The following RB1CC1 variants were observed in gnomAD, a reference collection of about 807,000 sequenced individuals.
RB1CC1 encodes RB1 inducible coiled-coil 1.
A neutral mutation model predicts 177.5 loss-of-function variants in RB1CC1; 46 were observed. The observed-to-expected ratio is 0.26, with a 90% confidence interval of 0.20 to 0.33. The LOEUF is 0.33. RB1CC1 is among the 10% of genes least tolerant of loss of function. The probability of loss-of-function intolerance (pLI) is 1.00; values close to 1 mark genes in which losing one functional copy is unlikely to be tolerated. For missense variants in RB1CC1, 1,703 were observed against 1,816.3 expected, an observed-to-expected ratio of 0.94 and a Z score of 1.13; for synonymous variants, 666 against 613.6, an observed-to-expected ratio of 1.09 and a Z score of -1.26.
intron 1 of RB1CC1, among the ~76,000 whole-genome samples, chr8:52,699,386 A>C (rs1855780252): frequency 6.6e-6 from 1 of 152,236 alleles, no homozygotes; most frequent in South Asian, 2.1e-4. Context: ...CAAGAGAATG[A>C]GAAGCAGATG....
chr8:52,708,604 T>A (rs1248055880), intron 1 of RB1CC1, among the ~76,000 whole-genome samples: 1 of 152,176 alleles, frequency 6.6e-6, no homozygotes, highest in Non-Finnish European at 1.5e-5. Flanking sequence ...AGGTGGCCTA[T>A]AGTATTCTTT....
rs1050683906 is a variant in RB1CC1, at chr8:52,664,911, G to C, written c.1173+3110C>G. Among the ~76,000 whole-genome samples the C allele has an allele frequency of 3.3e-5, 5 of 152,196 alleles. No homozygotes were observed. In the South Asian group the frequency reaches 6.2e-4, roughly 19 times the overall value. ...ATAAAACCATCCAATGTACCTGCCT[G>C]ATTGACTGTTCAAGTGATATAAAGC... On this transcript the variant is annotated intron_variant, in intron 8 of 23. Coordinates refer to ENST00000025008, the MANE Select transcript of RB1CC1 (RefSeq NM_014781.5).
chr8:52,647,935 A>G (rs1850202099), intron 15 of RB1CC1, among the ~76,000 whole-genome samples: 1 of 152,172 alleles, frequency 6.6e-6, no homozygotes, highest in African/African-American at 2.4e-5. Flanking sequence ...GAATTGTACT[A>G]GAAAAAGTGT....
intron 18 of RB1CC1, among the ~76,000 whole-genome samples, chr8:52,637,289 C>T (rs1360201397): frequency 1.3e-5 from 2 of 152,152 alleles, no homozygotes; most frequent in Non-Finnish European, 2.9e-5. Flanking sequence ...AAATCTATTC[C>T]TAAGTATTTT....
At chr8:52,637,360 T>C (rs1849223557) in intron 18 of RB1CC1, among the ~76,000 whole-genome samples, 1 of 152,186 alleles carries the variant, frequency 6.6e-6, no homozygotes. Context: ...GGATGATTCA[T>C]TGCTAGTAGA....
chr8:52,705,577 TA>T (rs968398786), intron 1 of RB1CC1, among the ~76,000 whole-genome samples: 1 of 152,236 alleles, frequency 6.6e-6, no homozygotes, highest in African/African-American at 2.4e-5. Flanking sequence ...CCAGCAATTC[TA>T]CTTCTGGGAG....
At chr8:52,660,420 T>C (rs1563396750) in intron 12 of RB1CC1, among the ~76,000 whole-genome samples, 176 bp downstream of exon 12, 1 of 152,198 alleles carries the variant, frequency 6.6e-6, no homozygotes, top group Non-Finnish European at 1.5e-5. Flanking sequence ...AAATTATGAA[T>C]ACAAATATCA....
chr8:52,704,364 C>T (rs1405492803), intron 1 of RB1CC1, among the ~76,000 whole-genome samples: 2 of 151,106 alleles, frequency 1.3e-5, no homozygotes, highest in African/African-American at 4.9e-5. Context: ...CATTACCTGC[C>T]TTCCAAAAAG....
At chr8:52,651,235 T>C (rs886673683) in intron 15 of RB1CC1, among the ~76,000 whole-genome samples, 7 of 152,194 alleles carry the variant, frequency 4.6e-5, no homozygotes, top group African/African-American at 1.7e-4. Flanking sequence ...GTTGACTGCC[T>C]GGAAAGTAGA....
intron 18 of RB1CC1, among the ~76,000 whole-genome samples, chr8:52,637,872 T>C (rs111790531): frequency 0.024 from 3,601 of 152,214 alleles, 162 homozygotes; most frequent in African/African-American, 0.082. Flanking sequence ...GGTTTCACCA[T>C]GTTGGCCAGG....
chr8:52,682,123 G>A (rs1563434041), intron 5 of RB1CC1, among the ~76,000 whole-genome samples: 1 of 152,202 alleles, frequency 6.6e-6, no homozygotes. Flanking sequence ...CAAAGCCACA[G>A]GGACAGAGCT....
Position 52,676,517 on chromosome 8 carries a change from C to T in RB1CC1, c.424G>A (p.Asp142Asn), listed in dbSNP as rs1166022062. 6.2e-7 allele frequency: 1 copy of T among 1,613,542 alleles called. No individual in the cohort carries two copies. The highest frequency in any genetic ancestry group is 8.5e-7 in the Non-Finnish European group (1 of 1,179,850). ...CAGCCTTGGTGTTGAAGATGTTCAT[C>T]ATGTACAAGACCTTCACAAAAAGAA... ...LCSFCEGLVH[D>N]EHLQHQGWAA... The change falls in exon 6 of 24, where the codon GAT (aspartate) becomes AAT (asparagine). Residue 142 changes from aspartate to asparagine, a missense_variant. Around this residue, in one of 6 missense-constraint regions of RB1CC1, gnomAD observed 315 missense variants for 304.9 expected, o/e 1.03. Coordinates refer to ENST00000025008, the MANE Select transcript of RB1CC1 (RefSeq NM_014781.5).
chr8:52,649,585 G>A lies in RB1CC1; in HGVS notation c.3822-3718C>T, dbSNP rs548124013. 7.2e-5 allele frequency among the ~76,000 whole-genome samples: 11 copies of A among 152,206 alleles called. No individual in the cohort carries two copies. In the East Asian group the frequency reaches 9.7e-4, roughly 13 times the overall value. The stretch of plus-strand genomic sequence containing the variant: ...CTGGAGGCAGAGGTGGCAGTAAGCC[G>A]AGATCATGCCACTGCACTCCAGCCT... On this transcript the variant is annotated intron_variant, in intron 15 of 23. Transcript: ENST00000025008.
intron 18 of RB1CC1, among the ~76,000 whole-genome samples, chr8:52,637,131 T>C (rs1327856688): frequency 6.6e-6 from 1 of 152,168 alleles, no homozygotes. Context: ...CAGATTACGA[T>C]AAGAATTGTG....
intron 1 of RB1CC1, among the ~76,000 whole-genome samples, chr8:52,696,911 G>T (rs1416259118): frequency 3.3e-5 from 5 of 152,156 alleles, no homozygotes; most frequent in Non-Finnish European, 7.3e-5. Flanking sequence ...GCTGAGGTGG[G>T]AGGATTGTTT....
At chr8:52,634,172 A>G (rs891945729) in intron 20 of RB1CC1, among the ~76,000 whole-genome samples, 1 of 152,078 alleles carries the variant, frequency 6.6e-6, no homozygotes, top group Non-Finnish European at 1.5e-5. Context: ...AACCAGGGCA[A>G]TTTACAGTAC....
At chr8:52,667,717 T>TG (rs573111153) in intron 8 of RB1CC1, among the ~76,000 whole-genome samples, 35 of 152,184 alleles carry the variant, frequency 2.3e-4, no homozygotes, top group Non-Finnish European at 4.3e-4. Flanking sequence ...CTTCGTCCTA[T>TG]GGGGGGTAGT....
intron 1 of RB1CC1, among the ~76,000 whole-genome samples, chr8:52,696,611 C>CA (rs927668152): frequency 1.3e-5 from 2 of 151,844 alleles, no homozygotes; most frequent in East Asian, 1.9e-4. Context: ...TAATGATACT[C>CA]AAAAAAACAA....
At chr8:52,627,762 T>C (rs1410021360) in intron 22 of RB1CC1, among the ~76,000 whole-genome samples, 1 of 152,166 alleles carries the variant, frequency 6.6e-6, no homozygotes, top group Non-Finnish European at 1.5e-5. Context: ...TTTGACAATA[T>C]AATTATCCAA....
Sources: allele counts gnomAD v4.1 joint callset (sites outside exome capture counted in the v4.1 genomes callset), GRCh38; gene constraint gnomAD v4.1.1; regional missense constraint gnomAD v4.1.1; transcripts MANE v1.5; gene names NCBI Gene and HGNC (gene_info 2026-07-23, HGNC 2026-07-21).